The following UGGT2 variants were observed in gnomAD, a reference collection of about 807,000 sequenced individuals.
UGGT2 encodes UDP-glucose:glycoprotein glucosyltransferase 2.
A neutral mutation model predicts 192.1 loss-of-function variants in UGGT2; 180 were observed. The ratio of observed to expected loss-of-function variants is 0.94; its 90% CI spans 0.83 to 1.06. UGGT2 has a LOEUF of 1.06. Ranked by LOEUF, UGGT2 falls within the 50% of genes least tolerant of loss-of-function variation. The pLI, the probability that UGGT2 is intolerant of heterozygous loss-of-function variation, is 0.00. For missense variants in UGGT2, 1,849 were observed against 1,795.7 expected (o/e 1.03, Z -0.54); for synonymous variants, 580 against 591.0 (o/e 0.98, Z 0.27).
intron 38 of UGGT2, among the ~76,000 whole-genome samples, chr13:95,813,568 G>A (rs1461883074): frequency 1.3e-5 from 2 of 152,174 alleles, no homozygotes; most frequent in East Asian, 3.9e-4. Flanking sequence ...GGGAAGCAGG[G>A]TGTAAAAGTG....
chr13:95,904,361 G>A (rs2048208406), intron 20 of UGGT2, among the ~76,000 whole-genome samples: 1 of 151,480 alleles, frequency 6.6e-6, no homozygotes, highest in South Asian at 2.1e-4. Flanking sequence ...AGTTACATAT[G>A]TATACATGTG....
At chr13:95,850,079 T>A (rs1014841083) in intron 36 of UGGT2, among the ~76,000 whole-genome samples, 3 of 152,108 alleles carry the variant, frequency 2.0e-5, no homozygotes, top group Non-Finnish European at 2.9e-5. Flanking sequence ...ACTGTTTTTT[T>A]CCCCTAGTTT....
chr13:96,000,373 T>C (rs2051760540), intron 5 of UGGT2, among the ~76,000 whole-genome samples: 1 of 152,238 alleles, frequency 6.6e-6, no homozygotes, highest in African/African-American at 2.4e-5. Context: ...TGGCCTGTTC[T>C]ATTTCCAGGT....
chr13:95,827,845 C>T (rs1886205606), intron 38 of UGGT2, among the ~76,000 whole-genome samples: 2 of 152,088 alleles, frequency 1.3e-5, no homozygotes, highest in Non-Finnish European at 2.9e-5. Flanking sequence ...AATCATAAGG[C>T]TTTTAAGAAT....
intron 12 of UGGT2, among the ~76,000 whole-genome samples, chr13:95,951,294 TGA>T (rs1260260367): frequency 6.6e-6 from 1 of 152,128 alleles, no homozygotes; most frequent in Non-Finnish European, 1.5e-5. Flanking sequence ...AAAAAATTAA[TGA>T]GAGGAGCTCA....
At chr13:95,872,324 G>A (rs1891291442) in intron 29 of UGGT2, among the ~76,000 whole-genome samples, 1 of 152,214 alleles carries the variant, frequency 6.6e-6, no homozygotes, top group African/African-American at 2.4e-5. Flanking sequence ...TGGGCATTAT[G>A]CCTCAGAAGT....
intron 20 of UGGT2, among the ~76,000 whole-genome samples, chr13:95,916,014 T>C (rs1323212664): frequency 6.6e-6 from 1 of 152,098 alleles, no homozygotes; most frequent in Non-Finnish European, 1.5e-5. Context: ...TGAGAAATGA[T>C]CCACCCCAAC....
intron 9 of UGGT2, 141 bp downstream of exon 9, chr13:95,986,192 T>C (rs2051284538): frequency 1.8e-6 from 1 of 560,392 alleles, no homozygotes; most frequent in Non-Finnish European, 3.0e-6. Flanking sequence ...TATATATATA[T>C]TGAAAAGGCC....
At chr13:95,815,832 G>A (rs1474470308) in intron 38 of UGGT2, among the ~76,000 whole-genome samples, 2 of 152,212 alleles carry the variant, frequency 1.3e-5, no homozygotes, top group Admixed American at 6.5e-5. Flanking sequence ...CAGTGTTGGA[G>A]GTGGGAGGGT....
intron 36 of UGGT2, among the ~76,000 whole-genome samples, chr13:95,848,051 A>G (rs1215464995): frequency 1.3e-5 from 2 of 152,158 alleles, no homozygotes; most frequent in Non-Finnish European, 2.9e-5. Context: ...ATCCCTGATG[A>G]TATATGATGT....
chr13:95,931,462 A>G (rs1395771456), intron 17 of UGGT2, among the ~76,000 whole-genome samples: 1 of 150,174 alleles, frequency 6.7e-6, no homozygotes, highest in Non-Finnish European at 1.5e-5. Flanking sequence ...TGAGCGGTCA[A>G]TGGGACTGGG....
chr13:95,853,079 A>G (rs1324800229), intron 36 of UGGT2, among the ~76,000 whole-genome samples: 1 of 152,078 alleles, frequency 6.6e-6, no homozygotes, highest in Non-Finnish European at 1.5e-5. Flanking sequence ...TGATGGTTTT[A>G]AGAGGGGCTT....
At chr13:95,864,981 G>GA (rs1890514581) in intron 30 of UGGT2, among the ~76,000 whole-genome samples, 1 of 152,152 alleles carries the variant, frequency 6.6e-6, no homozygotes, top group African/African-American at 2.4e-5. Flanking sequence ...TCAAAATACT[G>GA]AAAGCTTTGT....
At chr13:95,954,152 T>G (rs1305542828) in intron 12 of UGGT2, among the ~76,000 whole-genome samples, 1 of 152,220 alleles carries the variant, frequency 6.6e-6, no homozygotes, top group East Asian at 1.9e-4. Flanking sequence ...TAAAAAAATA[T>G]TGTCTAAAAT....
intron 6 of UGGT2, 60 bp from the exon 7 acceptor site, chr13:95,996,195 A>G: frequency 3.4e-6 from 5 of 1,474,260 alleles, no homozygotes; most frequent in Non-Finnish European, 4.7e-6. Flanking sequence ...GGAAAAGAAC[A>G]TGTAATCAAA....
At chr13:95,899,253 T>C (rs2048034630) in intron 22 of UGGT2, among the ~76,000 whole-genome samples, 1 of 152,194 alleles carries the variant, frequency 6.6e-6, no homozygotes, top group Non-Finnish European at 1.5e-5. Context: ...ATGTTCTTTA[T>C]AAATTAGCCA....
At chr13:95,954,773 G>A (rs2050165100) in intron 12 of UGGT2, among the ~76,000 whole-genome samples, 1 of 152,140 alleles carries the variant, frequency 6.6e-6, no homozygotes. Flanking sequence ...GTTGTAGTTT[G>A]ACCACCTCGG....
intron 17 of UGGT2, among the ~76,000 whole-genome samples, chr13:95,932,433 C>T (rs2049319865): frequency 6.6e-6 from 1 of 151,152 alleles, no homozygotes; most frequent in Non-Finnish European, 1.5e-5. Flanking sequence ...CTACTGATTG[C>T]TGTGCATTAA....
chr13:96,020,466 G>C (rs1186205905), intron 4 of UGGT2, among the ~76,000 whole-genome samples: 1 of 152,144 alleles, frequency 6.6e-6, no homozygotes, highest in East Asian at 1.9e-4. Flanking sequence ...CTGAATGACA[G>C]TTTCCCTCTG....
Sources: allele counts gnomAD v4.1 joint callset (sites outside exome capture counted in the v4.1 genomes callset), GRCh38; gene constraint gnomAD v4.1.1; transcripts MANE v1.5; gene names NCBI Gene and HGNC (gene_info 2026-07-23, HGNC 2026-07-21).